The following SCN11A variants were observed in gnomAD, a reference collection of about 807,000 sequenced individuals.
SCN11A encodes sodium channel protein type 11 subunit alpha.
Under a neutral mutation model 162.2 loss-of-function variants are expected in SCN11A, and 122 were observed. The observed-to-expected ratio is 0.75, with a 90% confidence interval of 0.65 to 0.87. SCN11A has a LOEUF of 0.87. Among genes scored for constraint, SCN11A ranks in the 40% least tolerant of loss-of-function variants. The probability of loss-of-function intolerance (pLI) is 0.00; values close to 1 mark genes in which losing one functional copy is unlikely to be tolerated. For synonymous variants in SCN11A, 758 were observed against 751.5 expected (o/e 1.01, Z -0.14); for missense variants, 2,015 against 2,181.6 (o/e 0.92, Z 1.52).
chr3:38,882,284 G>A (rs569482370), intron 22 of SCN11A, among the ~76,000 whole-genome samples: 3 of 152,238 alleles, frequency 2.0e-5, no homozygotes, highest in African/African-American at 4.8e-5. Context: ...GAAGCTATGG[G>A]GTGTAGGAGC....
intron 2 of SCN11A, among the ~76,000 whole-genome samples, chr3:39,002,748 C>CATA (rs1371652252): frequency 6.6e-6 from 1 of 152,194 alleles, no homozygotes; most frequent in East Asian, 1.9e-4. Context: ...TGGTTGCAAA[C>CATA]CTTAAATGCT....
At chr3:38,869,564 A>G (rs781506120) in intron 26 of SCN11A, among the ~76,000 whole-genome samples, 2 of 152,278 alleles carry the variant, frequency 1.3e-5, no homozygotes, top group Middle Eastern at 3.4e-3. Flanking sequence ...GTTGCTATGC[A>G]TCATCTGTAT....
intron 1 of SCN11A, among the ~76,000 whole-genome samples, chr3:39,040,017 C>T (rs79410688): frequency 0.02 from 3,054 of 152,302 alleles, 57 homozygotes; most frequent in Middle Eastern, 0.041. Context: ...AGAGACATCA[C>T]GTGCTGTGTT....
chr3:38,990,929 G>C (rs914580591), intron 2 of SCN11A, among the ~76,000 whole-genome samples: 2 of 152,054 alleles, frequency 1.3e-5, no homozygotes, highest in Non-Finnish European at 2.9e-5. Flanking sequence ...CCAAGCAGGA[G>C]ACACTGCAGG....
chr3:38,867,294 C>A (rs2065055723), intron 27 of SCN11A, 27 bp downstream of exon 27: 13 of 1,600,932 alleles, frequency 8.1e-6, no homozygotes, highest in Admixed American at 1.7e-5. Context: ...GATAAAATTA[C>A]CAAATCAAGA....
intron 14 of SCN11A, among the ~76,000 whole-genome samples, chr3:38,906,106 G>A (rs1465705923): frequency 6.6e-6 from 1 of 152,116 alleles, no homozygotes; most frequent in Non-Finnish European, 1.5e-5. Context: ...CATAGCAGTG[G>A]ATGGGATCCT....
intron 1 of SCN11A, among the ~76,000 whole-genome samples, chr3:39,050,243 T>C (rs2032296143): frequency 6.6e-6 from 1 of 152,162 alleles, no homozygotes; most frequent in Admixed American, 6.5e-5. Context: ...TACAAGACCT[T>C]TGCTCAGACT....
intron 7 of SCN11A, among the ~76,000 whole-genome samples, chr3:38,944,689 A>T (rs942207462): frequency 3.3e-5 from 5 of 150,782 alleles, no homozygotes; most frequent in Admixed American, 3.3e-4. Context: ...GGCTGCGTGC[A>T]GTGGCTCACG....
At chr3:38,922,609 C>T (rs1303759114) in intron 9 of SCN11A, among the ~76,000 whole-genome samples, 2 of 152,006 alleles carry the variant, frequency 1.3e-5, no homozygotes, top group Admixed American at 1.3e-4. Flanking sequence ...ATAAAAGGGG[C>T]TCAGCTCATG....
chr3:38,985,948 G>A (rs1208152980), intron 2 of SCN11A, among the ~76,000 whole-genome samples: 5 of 150,900 alleles, frequency 3.3e-5, no homozygotes, highest in African/African-American at 9.9e-5. Context: ...CTTTGCAGGT[G>A]GCTCACTCAT....
chr3:38,895,767 T>C (rs1575260058), intron 18 of SCN11A, among the ~76,000 whole-genome samples: 1 of 152,156 alleles, frequency 6.6e-6, no homozygotes, highest in East Asian at 1.9e-4. Flanking sequence ...CTCCTTACCA[T>C]ATAAGTGGTC....
intron 23 of SCN11A, among the ~76,000 whole-genome samples, chr3:38,872,985 A>C (rs1363125618): frequency 2.0e-5 from 3 of 152,222 alleles, no homozygotes; most frequent in Non-Finnish European, 4.4e-5. Flanking sequence ...ATTTCCCCTA[A>C]TCCAAATAGC....
chr3:38,906,126 T>A (rs1177360465), intron 14 of SCN11A, among the ~76,000 whole-genome samples: 1 of 152,166 alleles, frequency 6.6e-6, no homozygotes, highest in African/African-American at 2.4e-5. Context: ...TTCTACCTAC[T>A]TCTGCAAAGG....
At chr3:39,045,370 G>A (rs539846097) in intron 1 of SCN11A, among the ~76,000 whole-genome samples, 1 of 152,244 alleles carries the variant, frequency 6.6e-6, no homozygotes, top group South Asian at 2.1e-4. Context: ...TATCCCTGAT[G>A]AACATAGATA....
intron 28 of SCN11A, among the ~76,000 whole-genome samples, chr3:38,857,069 T>C (rs914860146): frequency 5.3e-5 from 8 of 152,162 alleles, no homozygotes; most frequent in South Asian, 2.1e-4. Context: ...ACCAGAAAAG[T>C]AATTCTGGTA....
At chr3:39,024,452 C>T (rs1176225740) in intron 2 of SCN11A, among the ~76,000 whole-genome samples, 1 of 152,110 alleles carries the variant, frequency 6.6e-6, no homozygotes, top group East Asian at 1.9e-4. Context: ...AGTGTTGGGG[C>T]TCAGAAAACA....
At chr3:38,934,926 T>C (rs1316694224) in intron 7 of SCN11A, among the ~76,000 whole-genome samples, 6 of 151,142 alleles carry the variant, frequency 4.0e-5, no homozygotes, top group Admixed American at 6.6e-5. Flanking sequence ...AGAATATACA[T>C]TTTTTTCAGC....
intron 22 of SCN11A, 70 bp from the exon 23 acceptor site, chr3:38,880,193 T>C: frequency 8.6e-7 from 1 of 1,167,164 alleles, no homozygotes. Flanking sequence ...ACTTTACTTT[T>C]TGTTTTTCTT....
At chr3:38,892,451 T>C (rs148122082) in intron 19 of SCN11A, among the ~76,000 whole-genome samples, 89 of 152,286 alleles carry the variant, frequency 5.8e-4, no homozygotes, top group African/African-American at 2.0e-3. Context: ...AAATAAAATA[T>C]ATTTGCTAAT....
Sources: allele counts gnomAD v4.1 joint callset (sites outside exome capture counted in the v4.1 genomes callset), GRCh38; gene constraint gnomAD v4.1.1; transcripts MANE v1.5; gene names NCBI Gene and HGNC (gene_info 2026-07-23, HGNC 2026-07-21).